SMAP2: variants seen among roughly 807,000 people sequenced by gnomAD.
SMAP2 encodes the protein small ArfGAP2.
Under a neutral mutation model 56.4 loss-of-function variants are expected in SMAP2, and 25 were observed. That is an observed-to-expected ratio of 0.44 (90% confidence interval 0.32 to 0.62). The LOEUF is 0.62. Among genes scored for constraint, SMAP2 ranks in the 20% least tolerant of loss-of-function variants. The pLI is 0.04. For missense variants in SMAP2, 388 were observed against 545.6 expected, an observed-to-expected ratio of 0.71 and a Z score of 2.88; for synonymous variants, 157 against 181.7, an observed-to-expected ratio of 0.86 and a Z score of 1.09.
intron 4 of SMAP2, among the ~76,000 whole-genome samples, chr1:40,410,459 T>C (rs1196575902): frequency 1.3e-5 from 2 of 151,934 alleles, no homozygotes; most frequent in East Asian, 3.8e-4. Flanking sequence ...TACAGCTATA[T>C]CTATCTACAT....
chr1:40,407,393 A>T (rs71648514), intron 2 of SMAP2, among the ~76,000 whole-genome samples: 1 of 152,152 alleles, frequency 6.6e-6, no homozygotes, highest in Non-Finnish European at 1.5e-5. Context: ...TGGGAAGCTG[A>T]GGTGGGAGGA....
intron 1 of SMAP2, among the ~76,000 whole-genome samples, chr1:40,399,326 T>TA (rs1557441850): frequency 1.5e-4 from 22 of 144,430 alleles, no homozygotes; most frequent in East Asian, 6.0e-4. Context: ...TTTTTTTTTT[T>TA]TTTTTGTATT....
chr1:40,416,376 TAG>T (rs1204882026), intron 8 of SMAP2, 35 bp downstream of exon 8: 1 of 1,596,756 alleles, frequency 6.3e-7, no homozygotes. Flanking sequence ...ATGTGCCAGG[TAG>T]AGACATGAGG....
intron 1 of SMAP2, among the ~76,000 whole-genome samples, chr1:40,399,310 A>ATTTTTTTTTTTTT (rs747127620): frequency 0.036 from 3,260 of 91,446 alleles, 3 homozygotes; most frequent in Non-Finnish European, 0.041. Flanking sequence ...ACGTGTGGCT[A>ATTTTTTTTTTTTT]TTTTTTTTTT....
rs181336299 is a variant in SMAP2 at position 40,385,779 on chromosome 1, C to T, written c.103+11556C>T. ...TTTAGATGTGGGTTTACATGTTAAT[C>T]CTACAATGTTATTTCACCTCAGTGG... On this transcript the variant is annotated intron_variant, in intron 1 of 9. Coordinates refer to ENST00000372718, the MANE Select transcript of SMAP2 (RefSeq NM_022733.3). This position sits in a 1 kb window ranked among gnomAD's most constrained non-coding sequence, Gnocchi z 4.5. Among the ~76,000 whole-genome samples, 10 of 152,348 alleles carry T rather than the reference C, an allele frequency of 6.6e-5. No homozygotes were observed. The highest frequency in any genetic ancestry group is 8.8e-5 in the Non-Finnish European group (6 of 68,026).
chr1:40,372,157 G>T (rs1036067456), upstream of SMAP2, among the ~76,000 whole-genome samples: 5 of 152,214 alleles, frequency 3.3e-5, no homozygotes, highest in Non-Finnish European at 7.3e-5. Context: ...GCACGGTGAA[G>T]GATTAATTTA....
intron 2 of SMAP2, 67 bp downstream of exon 2, chr1:40,406,936 C>T: frequency 6.7e-7 from 1 of 1,494,080 alleles, no homozygotes; most frequent in Non-Finnish European, 9.0e-7. Flanking sequence ...AGATGAATTT[C>T]AGTCAAACCT....
chr1:40,376,986 T>C (rs541116838), intron 1 of SMAP2, among the ~76,000 whole-genome samples: 16 of 152,254 alleles, frequency 1.1e-4, no homozygotes, highest in Admixed American at 2.0e-4. Context: ...AGGTATGTGA[T>C]TTAAACTTCG....
Position 40,385,552 on chromosome 1 carries a change from A to G in SMAP2, c.103+11329A>G, listed in dbSNP as rs1400478420. Among the ~76,000 whole-genome samples, 1 of 152,234 alleles carries G rather than the reference A, an allele frequency of 6.6e-6. No homozygotes were observed. The highest frequency in any genetic ancestry group is 1.5e-5 in the Non-Finnish European group (1 of 68,036). On this transcript the variant is annotated intron_variant, in intron 1 of 9. Coordinates refer to ENST00000372718, the MANE Select transcript of SMAP2 (RefSeq NM_022733.3). This position sits in a 1 kb window ranked among gnomAD's most constrained non-coding sequence, Gnocchi z 4.5. The stretch of plus-strand genomic sequence containing the variant: ...AAATGTGTAATGCTCTCATTTTATG[A>G]TGTATTGAAACAGTGAAGCAAATGC...
chr1:40,413,931 CCAGA>C (rs2124363525), intron 5 of SMAP2: 3 of 481,152 alleles, frequency 6.2e-6, no homozygotes, highest in Non-Finnish European at 1.1e-5. Flanking sequence ...CTTTAGGACA[CCAGA>C]CAATCACAGG....
chr1:40,387,530 A>G (rs540777293), intron 1 of SMAP2, among the ~76,000 whole-genome samples: 2 of 152,338 alleles, frequency 1.3e-5, no homozygotes, highest in African/African-American at 4.8e-5. Context: ...GAACTGCTTC[A>G]TTGCAGTAGA....
chr1:40,376,465 C>G (rs1644542302), intron 1 of SMAP2, among the ~76,000 whole-genome samples: 1 of 152,154 alleles, frequency 6.6e-6, no homozygotes, highest in Non-Finnish European at 1.5e-5. Context: ...AATGAGATGA[C>G]AATGGGTCAG....
chr1:40,403,915 A>G (rs1337382483), intron 1 of SMAP2, among the ~76,000 whole-genome samples: 1 of 152,126 alleles, frequency 6.6e-6, no homozygotes, highest in African/African-American at 2.4e-5. Context: ...CCTAAGCAAC[A>G]TAGGGAGACC....
At chr1:40,347,240 G>GTTT (rs200888686) in intron 1 of SMAP2, among the ~76,000 whole-genome samples, 1 of 88,404 alleles carries the variant, frequency 1.1e-5, no homozygotes, top group African/African-American at 4.0e-5. Context: ...GTGTGTGTGT[G>GTTT]TTTTGTTTTT....
intron 1 of SMAP2, chr1:40,393,477 G>C (rs1351481010): frequency 4.6e-6 from 7 of 1,534,696 alleles, no homozygotes; most frequent in Admixed American, 3.9e-5. Context: ...AGAGGAAATA[G>C]GCCCTGTAAA....
At chr1:40,355,191 C>T (rs1025713689) in intron 1 of SMAP2, among the ~76,000 whole-genome samples, 4 of 152,078 alleles carry the variant, frequency 2.6e-5, no homozygotes, top group African/African-American at 7.2e-5. Flanking sequence ...TAGAAACTGA[C>T]CAGAGTTCTA....
intron 1 of SMAP2, among the ~76,000 whole-genome samples, chr1:40,359,368 G>T (rs1469682991): frequency 6.6e-6 from 1 of 152,190 alleles, no homozygotes; most frequent in East Asian, 1.9e-4. Flanking sequence ...CTCCCAAAGT[G>T]CTGGGATTAC....
chr1:40,376,551 C>T (rs886821734), intron 1 of SMAP2, among the ~76,000 whole-genome samples: 3 of 152,136 alleles, frequency 2.0e-5, no homozygotes, highest in African/African-American at 7.2e-5. Flanking sequence ...TATCCCATTC[C>T]ACCCCTCCAA....
chr1:40,377,288 C>T (rs1644550219), intron 1 of SMAP2, among the ~76,000 whole-genome samples: 1 of 152,110 alleles, frequency 6.6e-6, no homozygotes, highest in Non-Finnish European at 1.5e-5. Context: ...AGAGCAAGAC[C>T]CTGTCTCTAA....
Sources: gnomAD v4.1 joint callset for allele counts (sites outside exome capture counted in the v4.1 genomes callset) on GRCh38, gnomAD v4.1.1 for gene constraint, Gnocchi (gnomAD v3.1) non-coding constraint, MANE v1.5 for transcripts, NCBI Gene and HGNC (gene_info 2026-07-23, HGNC 2026-07-21) for gene names.